Variants in CUX1 observed in about 807,000 individuals in gnomAD.
CUX1 encodes the protein protein CASP.
In CUX1, 31 loss-of-function variants were observed where a neutral mutation model predicts 158.8. The observed-to-expected ratio is 0.20, with a 90% CI of 0.15 to 0.26. The LOEUF is 0.26. Among genes scored for constraint, CUX1 ranks in the 10% least tolerant of loss-of-function variants. The pLI, the probability that CUX1 is intolerant of heterozygous loss-of-function variation, is 1.00. For synonymous variants in CUX1, 879 were observed against 862.1 expected, an observed-to-expected ratio of 1.02 and a Z score of -0.34; for missense variants, 1,589 against 2,014.6, an observed-to-expected ratio of 0.79 and a Z score of 4.04.
In CUX1 at chr7:101,931,142, T is replaced by G. The variant is rs186037739; in HGVS notation, c.141+14917T>G. On this transcript the variant is annotated intron_variant, in intron 2 of 23. Transcript: ENST00000292535. ...CATTTTGCAACAAGAGACTCGTCCC[T>G]TTTCCATAGGTGTCCTTATTCCTAT... 1.3e-3 allele frequency among the ~76,000 whole-genome samples: 191 copies of G among 152,316 alleles called. 1 individual carries two copies. The highest frequency in any genetic ancestry group is 4.2e-3 in the African/African-American group (175 of 41,566).
At chr7:102,195,245 A>G (rs1554517912) in intron 13 of CUX1, among the ~76,000 whole-genome samples, 2 of 130,154 alleles carry the variant, frequency 1.5e-5, no homozygotes, top group Non-Finnish European at 3.5e-5. Context: ...AGATGAGAGA[A>G]TAATTAATTT....
intron 4 of CUX1, among the ~76,000 whole-genome samples, chr7:102,088,413 G>A (rs10240472): frequency 1.3e-5 from 2 of 152,210 alleles, no homozygotes; most frequent in East Asian, 1.9e-4. Flanking sequence ...CGGGCAGATC[G>A]CTTGAGGTCT....
chr7:101,912,911 G>A (rs1188716936), intron 1 of CUX1, among the ~76,000 whole-genome samples: 2 of 152,120 alleles, frequency 1.3e-5, no homozygotes, highest in African/African-American at 4.8e-5. Context: ...CACGTGACCC[G>A]TGACTCATGG....
intron 17 of CUX1, among the ~76,000 whole-genome samples, chr7:102,276,087 C>T (rs1251999197): frequency 6.6e-6 from 1 of 151,876 alleles, no homozygotes; most frequent in African/African-American, 2.4e-5. Context: ...TTTGTTTATC[C>T]ATTCACCTAT....
chr7:102,060,448 G>C (rs751364955), intron 3 of CUX1, among the ~76,000 whole-genome samples: 2 of 151,824 alleles, frequency 1.3e-5, no homozygotes, highest in South Asian at 4.2e-4. Context: ...CTATCCAGAT[G>C]GTGTCAGATA....
intron 3 of CUX1, among the ~76,000 whole-genome samples, chr7:102,050,340 T>TAGGAC (rs1445032754): frequency 2.6e-5 from 4 of 152,198 alleles, no homozygotes; most frequent in Non-Finnish European, 5.9e-5. Flanking sequence ...TTATTGATTA[T>TAGGAC]AGGATCCTCT....
At chr7:102,236,072 G>A (rs1412402091) in intron 22 of CUX1, among the ~76,000 whole-genome samples, 1 of 152,188 alleles carries the variant, frequency 6.6e-6, no homozygotes, top group African/African-American at 2.4e-5. Flanking sequence ...CCTTATCCAG[G>A]AAATACGAAC....
chr7:102,169,058 C>T (rs538664552), intron 9 of CUX1, among the ~76,000 whole-genome samples: 43 of 151,544 alleles, frequency 2.8e-4, no homozygotes, highest in African/African-American at 8.0e-4. Flanking sequence ...CTCAGTCTCC[C>T]GAGTAGCTGG....
chr7:102,266,753 C>T (rs1033922602), intron 14 of CUX1, among the ~76,000 whole-genome samples: 6 of 151,998 alleles, frequency 3.9e-5, no homozygotes, highest in Non-Finnish European at 7.4e-5. Context: ...AGATGAGAGC[C>T]GAAAAACAAG....
intron 21 of CUX1, among the ~76,000 whole-genome samples, chr7:102,233,183 C>CTT (rs781940562): frequency 6.2e-4 from 73 of 117,232 alleles, no homozygotes; most frequent in African/African-American, 1.1e-3. Context: ...TTTTTTTTTC[C>CTT]TTTTTTTTTT....
intron 3 of CUX1, among the ~76,000 whole-genome samples, chr7:102,057,227 C>T (rs1258536405): frequency 2.6e-5 from 4 of 152,152 alleles, no homozygotes; most frequent in South Asian, 2.1e-4. Flanking sequence ...AATATGACTG[C>T]TCATTGACAG....
At chr7:101,886,085 C>T (rs1261875407) in intron 1 of CUX1, among the ~76,000 whole-genome samples, 1 of 152,150 alleles carries the variant, frequency 6.6e-6, no homozygotes, top group African/African-American at 2.4e-5. Flanking sequence ...CTTCTCTGGC[C>T]TCTCTGGATC....
At chr7:101,965,848 CAAAAAAAAAAAA>C (rs36052208) in intron 2 of CUX1, among the ~76,000 whole-genome samples, 2 of 50,122 alleles carry the variant, frequency 4.0e-5, no homozygotes, top group African/African-American at 1.0e-4. Flanking sequence ...GACTCCATCT[CAAAAAAAAAAAA>C]AAAAAAAAAA....
chr7:102,149,981 A>G (rs1554503147), intron 8 of CUX1, among the ~76,000 whole-genome samples: 1 of 152,204 alleles, frequency 6.6e-6, no homozygotes. Context: ...AGGACAGAGC[A>G]GGTCATCACG....
chr7:101,963,727 A>C (rs1585110011), intron 2 of CUX1, among the ~76,000 whole-genome samples: 1 of 152,162 alleles, frequency 6.6e-6, no homozygotes, highest in Admixed American at 6.5e-5. Flanking sequence ...ATCATGGCTC[A>C]CTGCAGCCTC....
At chr7:102,240,106 G>A (rs1029150249) in intron 23 of CUX1, among the ~76,000 whole-genome samples, 19 of 152,102 alleles carry the variant, frequency 1.2e-4, no homozygotes, top group African/African-American at 2.9e-4. Flanking sequence ...GTCCCTTCCC[G>A]TCACTGTCAC....
At chr7:101,821,912 T>C (rs1792676178) in intron 1 of CUX1, among the ~76,000 whole-genome samples, 1 of 144,154 alleles carries the variant, frequency 6.9e-6, no homozygotes, top group Admixed American at 7.1e-5. Context: ...TGGAGTGCAG[T>C]GGCGCGATCT....
chr7:102,204,677 C>T (rs1174148642), intron 19 of CUX1, 121 bp downstream of exon 19: 7 of 1,285,328 alleles, frequency 5.4e-6, no homozygotes, highest in South Asian at 1.4e-5. Flanking sequence ...GGTGGCCAAC[C>T]ACACTCCCCA....
chr7:102,050,615 C>T (rs1267671808), intron 3 of CUX1, among the ~76,000 whole-genome samples: 1 of 152,090 alleles, frequency 6.6e-6, no homozygotes, highest in Non-Finnish European at 1.5e-5. Context: ...GGAGAGGTAA[C>T]CAGCCCCTAG....
Sources: allele counts gnomAD v4.1 joint callset (sites outside exome capture counted in the v4.1 genomes callset), GRCh38; gene constraint gnomAD v4.1.1; transcripts MANE v1.5; gene names NCBI Gene and HGNC (gene_info 2026-07-23, HGNC 2026-07-21).